SLC4A7: variants seen among roughly 807,000 people sequenced by gnomAD.
The protein encoded by SLC4A7 is sodium bicarbonate cotransporter 3.
In SLC4A7, 51 loss-of-function variants were observed where a neutral mutation model predicts 137.6. The ratio of observed to expected loss-of-function variants is 0.37; its 90% CI spans 0.30 to 0.47. The LOEUF (loss-of-function observed/expected upper bound fraction) is 0.47, where lower values mean the gene tolerates loss of function less well. Ranked by LOEUF, SLC4A7 falls within the 20% of genes least tolerant of loss-of-function variation. The pLI, the probability that SLC4A7 is intolerant of heterozygous loss-of-function variation, is 1.00. For synonymous variants in SLC4A7, 542 were observed against 518.6 expected, an observed-to-expected ratio of 1.05 and a Z score of -0.61; for missense variants, 1,247 against 1,525.4, an observed-to-expected ratio of 0.82 and a Z score of 3.04.
At chr3:27,420,864 C>G in intron 9 of SLC4A7, 77 bp from the exon 10 acceptor site, 1 of 955,494 alleles carries the variant, frequency 1.0e-6, no homozygotes, top group Non-Finnish European at 1.6e-6. Flanking sequence ...AAAAAGAAAC[C>G]ATTCAAATAT....
chr3:27,441,338 T>G (rs572313016), intron 3 of SLC4A7, among the ~76,000 whole-genome samples: 1 of 152,342 alleles, frequency 6.6e-6, no homozygotes, highest in African/African-American at 2.4e-5. Flanking sequence ...ATTAACAAAA[T>G]TGAGAAGTGT....
chr3:27,398,405 T>A, intron 16 of SLC4A7, 52 bp from the exon 17 acceptor site: 1 of 1,469,130 alleles, frequency 6.8e-7, no homozygotes, highest in Non-Finnish European at 9.3e-7. Flanking sequence ...ACGTATTCAA[T>A]AAATTATTAT....
At chr3:27,438,643 T>A (rs1426137853) in intron 3 of SLC4A7, among the ~76,000 whole-genome samples, 1 of 144,650 alleles carries the variant, frequency 6.9e-6, no homozygotes, top group Non-Finnish European at 1.5e-5. Context: ...TAAAATAACA[T>A]AAAACAAAAT....
chr3:27,405,619 G>A (rs930839857), intron 13 of SLC4A7, among the ~76,000 whole-genome samples: 23 of 152,072 alleles, frequency 1.5e-4, no homozygotes, highest in Non-Finnish European at 2.5e-4. Context: ...AAGATCTTTC[G>A]AATAGGTGAT....
intron 18 of SLC4A7, among the ~76,000 whole-genome samples, chr3:27,396,210 T>C (rs939475970): frequency 6.6e-6 from 1 of 152,158 alleles, no homozygotes; most frequent in Non-Finnish European, 1.5e-5. Flanking sequence ...CACACTAATA[T>C]ATATTAAACT....
chr3:27,426,423 C>G (rs1402974806), intron 7 of SLC4A7, among the ~76,000 whole-genome samples: 1 of 152,156 alleles, frequency 6.6e-6, no homozygotes, highest in Non-Finnish European at 1.5e-5. Context: ...ACTACTTCCA[C>G]ACAAGAAAAC....
Position 27,415,485 on chromosome 3 carries a change from A to C in SLC4A7, c.1659+3001T>G, listed in dbSNP as rs559222264. ...CCTGCATTAAATCCTGGTGCTCACT[A>C]ATCTTTCTTACTAATAAATGTCTTC... On this transcript the variant is annotated intron_variant, in intron 11 of 25. Transcript: ENST00000454389. Among the ~76,000 whole-genome samples, 9 of 152,324 alleles carry C rather than the reference A, an allele frequency of 5.9e-5. No homozygotes were observed. In the East Asian group the frequency reaches 1.5e-3, roughly 26 times the overall value.
rs1298503164 is a variant in SLC4A7 at position 27,420,753 on chromosome 3, C to T, written c.1459G>A (p.Ala487Thr). 1 of 1,613,540 alleles carries T rather than the reference C, an allele frequency of 6.2e-7. No individual in the cohort carries two copies. Among genetic ancestry groups the T allele is most frequent in the Non-Finnish European group, 8.5e-7 (1 of 1,179,698 alleles). ...CGTCCAATTTCATGGTACTGTGGTG[C>T]CTTGCCCGCTGGACCCAATAACAAA... ...LFLLLGPAGK[A>T]PQYHEIGRSI... is the part of the protein sequence containing the mutation. The change falls in exon 10 of 26, where the codon GCA (alanine) becomes ACA (threonine). Residue 487 changes from alanine (A) to threonine (T), a missense_variant. Transcript: ENST00000454389.
intron 24 of SLC4A7, among the ~76,000 whole-genome samples, chr3:27,379,720 T>C (rs2050228390): frequency 6.6e-6 from 1 of 150,660 alleles, no homozygotes. Context: ...CAAAAAAAAA[T>C]ACAATCTCAA....
intron 1 of SLC4A7, among the ~76,000 whole-genome samples, chr3:27,469,497 C>T (rs1323049434): frequency 2.0e-5 from 3 of 152,172 alleles, no homozygotes; most frequent in African/African-American, 7.2e-5. Flanking sequence ...CTCACAGACA[C>T]ACTTACTTAT....
intron 7 of SLC4A7, among the ~76,000 whole-genome samples, chr3:27,426,685 A>C (rs1332488013): frequency 6.6e-6 from 1 of 152,214 alleles, no homozygotes; most frequent in East Asian, 1.9e-4. Flanking sequence ...AGCAGGTATA[A>C]CCTGAAGTCA....
At chr3:27,395,176 A>G (rs1025747746) in intron 18 of SLC4A7, 61 bp from the exon 19 acceptor site, 3 of 1,242,228 alleles carry the variant, frequency 2.4e-6, no homozygotes, top group South Asian at 3.2e-5. Flanking sequence ...CTAAATTTCC[A>G]TAACATAGAC....
At chr3:27,464,320 A>G (rs2058857023) in intron 1 of SLC4A7, among the ~76,000 whole-genome samples, 2 of 152,248 alleles carry the variant, frequency 1.3e-5, no homozygotes, top group Non-Finnish European at 2.9e-5. Context: ...CTCTAGAGAG[A>G]TTAAAGATCT....
At chr3:27,463,388 C>T (rs1288782490) in intron 1 of SLC4A7, among the ~76,000 whole-genome samples, 2 of 152,130 alleles carry the variant, frequency 1.3e-5, no homozygotes, top group Non-Finnish European at 2.9e-5. Context: ...TGAGATCGCA[C>T]CACTGCACTC....
At chr3:27,408,684 A>T (rs944529019) in intron 13 of SLC4A7, among the ~76,000 whole-genome samples, 1 of 152,226 alleles carries the variant, frequency 6.6e-6, no homozygotes, top group African/African-American at 2.4e-5. Context: ...AACAACAAAG[A>T]AATGCCTTTC....
At chr3:27,469,348 G>T (rs903340556) in intron 1 of SLC4A7, among the ~76,000 whole-genome samples, 4 of 152,018 alleles carry the variant, frequency 2.6e-5, no homozygotes, top group Admixed American at 6.6e-5. Flanking sequence ...GATCCCACAG[G>T]TTGAGGGCTC....
chr3:27,468,659 C>G lies in SLC4A7; in HGVS notation c.60+15408G>C, dbSNP rs140098621. On this transcript the variant is annotated intron_variant, in intron 1 of 25. Transcript: ENST00000454389. ...AAATCCTGGCTCTTCACTTACTACG[C>G]TGGGCAGATTACTTAGTCTCACTGG... 4.9e-3 allele frequency among the ~76,000 whole-genome samples: 748 copies of G among 152,212 alleles called. 5 individuals carry two copies. Among genetic ancestry groups the G allele is most frequent in the Non-Finnish European group, 8.4e-3 (573 of 68,020 alleles).
chr3:27,463,522 AAG>A (rs1214204002), intron 1 of SLC4A7, among the ~76,000 whole-genome samples: 2 of 152,130 alleles, frequency 1.3e-5, no homozygotes, highest in Non-Finnish European at 2.9e-5. Context: ...CCTGGGCAAC[AAG>A]AGCGAAACTC....
chr3:27,396,437 G>A (rs193286413), intron 18 of SLC4A7, among the ~76,000 whole-genome samples: 14 of 152,032 alleles, frequency 9.2e-5, no homozygotes, highest in African/African-American at 3.4e-4. Flanking sequence ...ATTACATCAC[G>A]TTTTGAACCA....
Sources: allele counts gnomAD v4.1 joint callset (sites outside exome capture counted in the v4.1 genomes callset), GRCh38; gene constraint gnomAD v4.1.1; transcripts MANE v1.5; gene names NCBI Gene and HGNC (gene_info 2026-07-23, HGNC 2026-07-21).